Variants in PTPRT observed in about 807,000 individuals in gnomAD.
The protein encoded by PTPRT is receptor-type tyrosine-protein phosphatase T.
Under a neutral mutation model 176.8 loss-of-function variants are expected in PTPRT, and 56 were observed. The ratio of observed to expected loss-of-function variants is 0.32; its 90% CI spans 0.26 to 0.40. PTPRT has a LOEUF of 0.40. Ranked by LOEUF, PTPRT falls within the 10% of genes least tolerant of loss-of-function variation. PTPRT has a pLI of 1.00. For missense variants in PTPRT, 1,540 were observed against 1,908.2 expected (o/e 0.81, Z 3.60); for synonymous variants, 783 against 739.0 (o/e 1.06, Z -0.96).
At chr20:43,078,650 A>G (rs983551447) in intron 1 of PTPRT, among the ~76,000 whole-genome samples, 8 of 152,192 alleles carry the variant, frequency 5.3e-5, no homozygotes, top group African/African-American at 1.9e-4. Context: ...TAACTCAAAC[A>G]AACGCTTTCC....
intron 15 of PTPRT, among the ~76,000 whole-genome samples, chr20:42,230,517 A>G (rs2056112415): frequency 6.6e-6 from 1 of 152,224 alleles, no homozygotes; most frequent in South Asian, 2.1e-4. Flanking sequence ...GCTTTACTAC[A>G]GAAAGGCAAA....
chr20:42,194,248 G>A (rs1405810220), intron 16 of PTPRT, among the ~76,000 whole-genome samples: 2 of 152,182 alleles, frequency 1.3e-5, no homozygotes, highest in South Asian at 2.1e-4. Context: ...CAGCACAGGG[G>A]TAGGCATGTA....
intron 1 of PTPRT, among the ~76,000 whole-genome samples, chr20:43,052,265 T>C (rs918545720): frequency 6.6e-6 from 1 of 152,230 alleles, no homozygotes; most frequent in South Asian, 2.1e-4. Context: ...AAATTCAGCA[T>C]AAATGAACAA....
chr20:42,960,145 T>C (rs1187272995), intron 1 of PTPRT, among the ~76,000 whole-genome samples: 2 of 152,180 alleles, frequency 1.3e-5, no homozygotes, highest in Non-Finnish European at 2.9e-5. Context: ...ACCAACTAGA[T>C]CATATGTCAA....
chr20:42,309,288 G>C (rs1314147286), intron 12 of PTPRT, among the ~76,000 whole-genome samples: 3 of 152,148 alleles, frequency 2.0e-5, no homozygotes, highest in Non-Finnish European at 4.4e-5. Flanking sequence ...TGAGGATGCA[G>C]AGAACAGTAG....
chr20:42,785,052 TA>T (rs1396871723), intron 3 of PTPRT, among the ~76,000 whole-genome samples: 3 of 152,240 alleles, frequency 2.0e-5, no homozygotes, highest in Non-Finnish European at 4.4e-5. Context: ...AGGTGATGGA[TA>T]TGTTCATTAG....
chr20:42,633,819 A>ATATATATATATATG lies in PTPRT; in HGVS notation c.1153+44046_1153+44047insCATATATATATATA, dbSNP rs1162225733. On this transcript the variant is annotated intron_variant, in intron 7 of 30. Coordinates refer to ENST00000373187, the MANE Select transcript of PTPRT (RefSeq NM_007050.6). ...TATATATATATATATATATATATATAATAAAATATTAATATATTATAATAA... is the reference window on the plus strand; with the variant it reads ...TATATATATATATATATATATATATATATATATATATATGATAAAATATTAATATATTATAATAA... Among the ~76,000 whole-genome samples, 16 of 85,586 alleles carry ATATATATATATATG rather than the reference A, an allele frequency of 1.9e-4. No homozygotes were observed. The Admixed American group carries it at 1.9e-3, about 10-fold the overall frequency. The allele number at this position is 85,586 out of a possible 152,430, so 56.1% of individuals were successfully genotyped here.
chr20:42,194,020 C>T (rs1212261120), intron 16 of PTPRT, among the ~76,000 whole-genome samples: 1 of 152,174 alleles, frequency 6.6e-6, no homozygotes, highest in African/African-American at 2.4e-5. Flanking sequence ...CTCTCTGAAC[C>T]TCAGTTTCCT....
intron 16 of PTPRT, among the ~76,000 whole-genome samples, chr20:42,167,730 G>A (rs1035423946): frequency 6.6e-6 from 1 of 152,168 alleles, no homozygotes; most frequent in Non-Finnish European, 1.5e-5. Flanking sequence ...TGGGGACTGT[G>A]GCAACAGCAG....
chr20:42,236,805 T>C (rs950831596), intron 14 of PTPRT, among the ~76,000 whole-genome samples: 4 of 152,076 alleles, frequency 2.6e-5, no homozygotes, highest in African/African-American at 9.7e-5. Context: ...ATATAGCCAG[T>C]ACCCAAGATG....
At chr20:42,588,718 T>C (rs951503078) in intron 7 of PTPRT, among the ~76,000 whole-genome samples, 2 of 152,160 alleles carry the variant, frequency 1.3e-5, no homozygotes, top group Non-Finnish European at 2.9e-5. Flanking sequence ...ATTACATATA[T>C]GGTTTGCAGG....
chr20:42,106,324 A>G (rs1389644920), intron 24 of PTPRT, among the ~76,000 whole-genome samples: 1 of 152,170 alleles, frequency 6.6e-6, no homozygotes, highest in Non-Finnish European at 1.5e-5. Flanking sequence ...TGTGTGTTAC[A>G]TCTCTTGAAA....
chr20:42,406,617 T>C (rs561027751), intron 9 of PTPRT, among the ~76,000 whole-genome samples: 1 of 152,208 alleles, frequency 6.6e-6, no homozygotes, highest in South Asian at 2.1e-4. Flanking sequence ...TCAGTCCATA[T>C]AAAAATAAAG....
intron 1 of PTPRT, among the ~76,000 whole-genome samples, chr20:42,951,305 G>T (rs1392877692): frequency 6.6e-6 from 1 of 151,784 alleles, no homozygotes; most frequent in Non-Finnish European, 1.5e-5. Flanking sequence ...GATGATGGAT[G>T]AGTAGATGGG....
chr20:42,502,222 A>G (rs1396000878), intron 7 of PTPRT, among the ~76,000 whole-genome samples: 2 of 152,116 alleles, frequency 1.3e-5, no homozygotes, highest in Non-Finnish European at 2.9e-5. Context: ...ATATATAAAA[A>G]GAGCACTTAC....
At chr20:42,567,309 G>GAA (rs530699223) in intron 7 of PTPRT, among the ~76,000 whole-genome samples, 120 of 150,502 alleles carry the variant, frequency 8.0e-4, no homozygotes, top group Middle Eastern at 6.8e-3. Context: ...GAGAGAGAGA[G>GAA]AAAAAAAACG....
chr20:42,040,558 A>C, the PTPRT span, among the ~76,000 whole-genome samples: 1 of 152,190 alleles, frequency 6.6e-6, no homozygotes. Flanking sequence ...TAGGAATTCC[A>C]TCAGGAATAG....
intron 18 of PTPRT, among the ~76,000 whole-genome samples, chr20:42,140,267 C>T (rs774722887): frequency 3.3e-5 from 5 of 151,918 alleles, no homozygotes; most frequent in Non-Finnish European, 5.9e-5. Flanking sequence ...ACTCTGTGAG[C>T]TGAGACCCAG....
At chr20:42,104,134 A>C (rs1361711515) in intron 25 of PTPRT, among the ~76,000 whole-genome samples, 1 of 152,034 alleles carries the variant, frequency 6.6e-6, no homozygotes, top group African/African-American at 2.4e-5. Context: ...TTCGATCATG[A>C]GCATAGAACC....
Sources: gnomAD v4.1 joint callset for allele counts (sites outside exome capture counted in the v4.1 genomes callset) on GRCh38, gnomAD v4.1.1 for gene constraint, MANE v1.5 for transcripts, NCBI Gene and HGNC (gene_info 2026-07-23, HGNC 2026-07-21) for gene names.